Variants in DGKG observed in about 807,000 individuals in gnomAD.
DGKG encodes diacylglycerol kinase gamma.
DGKG carries 78 observed loss-of-function variants against 105.3 expected under a neutral mutation model. The ratio of observed to expected loss-of-function variants is 0.74; its 90% confidence interval spans 0.62 to 0.89. DGKG has a LOEUF of 0.89. DGKG is among the 40% of genes least tolerant of loss of function. The probability of loss-of-function intolerance (pLI) is 0.00; values close to 1 mark genes in which losing one functional copy is unlikely to be tolerated. For synonymous variants in DGKG, 346 were observed against 367.1 expected, an observed-to-expected ratio of 0.94 and a Z score of 0.66; for missense variants, 958 against 1,020.1, an observed-to-expected ratio of 0.94 and a Z score of 0.83.
At position 186,225,893 on chromosome 3, in the gene DGKG, T is replaced by C. The variant is rs147345851; in HGVS notation, c.1827-14008A>G. Among the ~76,000 whole-genome samples the C allele has an allele frequency of 5.5e-4, 84 of 152,322 alleles. 1 individual carries two copies. Among genetic ancestry groups the C allele is most frequent in the Middle Eastern group, 3.4e-3 (1 of 294 alleles). On this transcript the variant is annotated intron_variant, in intron 20 of 24. Coordinates refer to ENST00000265022, the MANE Select transcript of DGKG (RefSeq NM_001346.3). ...TGGTGTCTTTGGTTATGAGTCCTAATACATGTCTGATTTCAAGGGCTGACC... is the reference window on the plus strand; with the variant it reads ...TGGTGTCTTTGGTTATGAGTCCTAACACATGTCTGATTTCAAGGGCTGACC...
chr3:186,308,556 T>C (rs1724367885), intron 2 of DGKG, among the ~76,000 whole-genome samples: 1 of 152,222 alleles, frequency 6.6e-6, no homozygotes, highest in Non-Finnish European at 1.5e-5. Flanking sequence ...GGCTGGGCTG[T>C]TCTCCATGGC....
At chr3:186,150,257 C>T in intron 24 of DGKG, 69 bp from the exon 25 acceptor site, 1 of 1,532,010 alleles carries the variant, frequency 6.5e-7, no homozygotes, top group South Asian at 1.2e-5. Context: ...GAGTGAGTCG[C>T]AGAGAAAGGA....
intron 2 of DGKG, among the ~76,000 whole-genome samples, chr3:186,316,528 T>C (rs534710649): frequency 6.6e-6 from 1 of 152,364 alleles, no homozygotes; most frequent in East Asian, 1.9e-4. Context: ...AATTTCTTAA[T>C]ATCACATTAG....
rs771188241 is a variant in DGKG at position 186,211,893 on chromosome 3, A to G, written c.1827-8T>C. 1.2e-6 allele frequency: 2 copies of G among 1,611,154 alleles called. No individual in the cohort carries two copies. Among genetic ancestry groups the G allele is most frequent in the East Asian group, 4.5e-5 (2 of 44,870 alleles). On this transcript the variant is annotated splice_polypyrimidine_tract_variant and splice_region_variant and intron_variant, in intron 20 of 24. Transcript: ENST00000265022. The stretch of plus-strand genomic sequence containing the variant: ...CACAGCTTGTTCTTCATCCTGGACC[A>G]CAAAGCAGAGAGATGTCTCAATATT...
intron 1 of DGKG, among the ~76,000 whole-genome samples, chr3:186,342,243 C>T (rs977109537): frequency 1.3e-5 from 2 of 152,144 alleles, no homozygotes; most frequent in Admixed American, 6.5e-5. Context: ...CGGAAATTCA[C>T]GACCCTAAGG....
At chr3:186,288,593 G>A in intron 6 of DGKG, 117 bp downstream of exon 6, 2 of 1,088,504 alleles carry the variant, frequency 1.8e-6, no homozygotes, top group Non-Finnish European at 2.7e-6. Flanking sequence ...TCCCCAAAGA[G>A]GCGGGACGCA....
At chr3:186,359,039 T>C (rs1727108196) in intron 1 of DGKG, among the ~76,000 whole-genome samples, 1 of 152,158 alleles carries the variant, frequency 6.6e-6, no homozygotes. Context: ...CCCGAGTGTA[T>C]AAAGCAAGGT....
At chr3:186,302,505 T>TATAC (rs1724000913) in intron 3 of DGKG, among the ~76,000 whole-genome samples, 2 of 12,078 alleles carry the variant, frequency 1.7e-4, no homozygotes, top group Non-Finnish European at 3.2e-4. Flanking sequence ...TATATATATA[T>TATAC]ACATATGTGT....
At chr3:186,169,906 G>A (rs966699880) in intron 22 of DGKG, among the ~76,000 whole-genome samples, 28 of 152,188 alleles carry the variant, frequency 1.8e-4, no homozygotes, top group African/African-American at 6.8e-4. Context: ...AAAGGAGATG[G>A]ACTGAATGAA....
intron 20 of DGKG, among the ~76,000 whole-genome samples, chr3:186,218,734 G>A (rs1719426515): frequency 6.6e-6 from 1 of 152,044 alleles, no homozygotes; most frequent in Non-Finnish European, 1.5e-5. Flanking sequence ...TATTGGAATT[G>A]GCAACTAATT....
chr3:186,285,273 A>C (rs1348452919), intron 6 of DGKG, among the ~76,000 whole-genome samples: 3 of 152,210 alleles, frequency 2.0e-5, no homozygotes, highest in African/African-American at 7.2e-5. Flanking sequence ...CATAGAAAGC[A>C]CTCAACAGAT....
At chr3:186,207,424 C>T in intron 21 of DGKG, 4 of 984,512 alleles carry the variant, frequency 4.1e-6, no homozygotes, top group South Asian at 4.7e-5. Context: ...AGCTTCTTAC[C>T]TTCTCTCAGC....
rs375461547 is a variant in DGKG, at chr3:186,284,745, T to C, written c.545-36A>G. 12 of 1,591,690 alleles carry C rather than the reference T, an allele frequency of 7.5e-6. No individual in the cohort carries two copies. In the African/African-American group the frequency reaches 1.5e-4, roughly 20 times the overall value. On this transcript the variant is annotated intron_variant, in intron 6 of 24. Coordinates refer to ENST00000265022, the MANE Select transcript of DGKG (RefSeq NM_001346.3). This position sits in a 1 kb window ranked among gnomAD's most constrained non-coding sequence, Gnocchi z 4.0. ...CACAGAGGTAAGCCTTGAGGTGTCC[T>C]CTAAGAAGCGCGGATGGCTGAAGTT...
intron 2 of DGKG, chr3:186,313,442 G>A: frequency 1.1e-6 from 1 of 941,184 alleles, no homozygotes; most frequent in Non-Finnish European, 1.3e-6. Context: ...ATTTGTGTAA[G>A]TAAAATTTGT....
chr3:186,270,832 T>C (rs1341174113), intron 11 of DGKG, among the ~76,000 whole-genome samples: 6 of 152,176 alleles, frequency 3.9e-5, no homozygotes, highest in Admixed American at 6.5e-5. Flanking sequence ...AAAGACTGGG[T>C]TGCTCCTGCA....
In DGKG at chr3:186,203,942, A is replaced by G. The variant is rs1578660195; in HGVS notation, c.1917+7853T>C. 6.6e-6 allele frequency among the ~76,000 whole-genome samples: 1 copy of G among 151,916 alleles called. No homozygotes were observed. Among genetic ancestry groups the G allele is most frequent in the East Asian group, 1.9e-4 (1 of 5,176 alleles). Reference sequence around the variant, plus strand: ...TATCAGGAGAGACCAAGACTTGAAGACCTCTTTCCCTCTAGTTTAAGAGTG... The same window carrying G: ...TATCAGGAGAGACCAAGACTTGAAGGCCTCTTTCCCTCTAGTTTAAGAGTG... On this transcript the variant is annotated intron_variant, in intron 21 of 24. Transcript: ENST00000265022. The surrounding 1 kb of genome is among the most constrained non-coding windows in gnomAD (Gnocchi z 4.9).
chr3:186,206,354 A>G (rs2268843), intron 21 of DGKG, among the ~76,000 whole-genome samples: 29,274 of 152,102 alleles, frequency 0.19, 3,435 homozygotes, highest in Non-Finnish European at 0.26. Flanking sequence ...ACTGCACTCC[A>G]GCCTGGCAAC....
chr3:186,324,596 A>G (rs1004239673), intron 1 of DGKG, among the ~76,000 whole-genome samples: 1 of 152,150 alleles, frequency 6.6e-6, no homozygotes, highest in Non-Finnish European at 1.5e-5. Flanking sequence ...AGAAGACAAT[A>G]CAAGTGGCCA....
intron 1 of DGKG, among the ~76,000 whole-genome samples, chr3:186,351,490 A>T (rs1409551014): frequency 6.6e-6 from 1 of 152,166 alleles, no homozygotes; most frequent in African/African-American, 2.4e-5. Flanking sequence ...ACGTTTCATT[A>T]CAAAAGAAAT....
Sources: gnomAD v4.1 joint callset for allele counts (sites outside exome capture counted in the v4.1 genomes callset) on GRCh38, gnomAD v4.1.1 for gene constraint, Gnocchi (gnomAD v3.1) non-coding constraint, MANE v1.5 for transcripts, NCBI Gene and HGNC (gene_info 2026-07-23, HGNC 2026-07-21) for gene names.